The following CEP152 variants were observed in gnomAD, a reference collection of about 807,000 sequenced individuals.
CEP152 encodes centrosomal protein of 152 kDa.
In CEP152, 132 loss-of-function variants were observed where a neutral mutation model predicts 188.9. That is an observed-to-expected ratio of 0.70 (90% CI 0.61 to 0.81). The LOEUF (loss-of-function observed/expected upper bound fraction) is 0.81. Ranked by LOEUF, CEP152 falls within the 30% of genes least tolerant of loss-of-function variation. The pLI, the probability that CEP152 is intolerant of heterozygous loss-of-function variation, is 0.00. For missense variants in CEP152, 1,914 were observed against 1,969.8 expected (o/e 0.97, Z 0.54); for synonymous variants, 649 against 666.6 (o/e 0.97, Z 0.41).
At chr15:48,769,136 T>G in intron 13 of CEP152, 55 bp from the exon 14 acceptor site, 1 of 1,421,006 alleles carries the variant, frequency 7.0e-7, no homozygotes. Context: ...TAAGTTTCAC[T>G]TTGAAATACT....
At chr15:48,773,671 T>A (rs909818478) in intron 12 of CEP152, 1 of 152,310 alleles carries the variant, frequency 6.6e-6, no homozygotes. Context: ...ACTTCCTAAT[T>A]TAAAGGGCAT....
intron 9 of CEP152, among the ~76,000 whole-genome samples, chr15:48,787,162 C>A (rs58612047): frequency 1.1e-4 from 4 of 37,146 alleles, no homozygotes; most frequent in Non-Finnish European, 2.0e-4. Context: ...GTATAGCCTT[C>A]GTTTTTTTTT....
At chr15:48,810,923 A>T (rs1470962499) in intron 1 of CEP152, 38 bp downstream of exon 1, 1 of 152,620 alleles carries the variant, frequency 6.6e-6, no homozygotes, top group African/African-American at 2.4e-5. Flanking sequence ...CAACTCCTCT[A>T]ACCCCAGGTC....
At chr15:48,810,270 G>A (rs913614261) in intron 1 of CEP152, 3 of 152,192 alleles carry the variant, frequency 2.0e-5, no homozygotes, top group Admixed American at 2.0e-4. Flanking sequence ...CACATAGCCC[G>A]GTTTAGACTT....
rs777608666 is a variant in CEP152, at chr15:48,797,968, G to A, written c.171C>T (p.Ser57=). 2.5e-5 allele frequency: 41 copies of A among 1,613,774 alleles called. No individual in the cohort carries two copies. The highest frequency in any genetic ancestry group is 3.3e-5 in the Non-Finnish European group (39 of 1,179,916). The change falls in exon 3 of 27, where the codon AGC becomes AGT. Residue 57 remains serine (S), a synonymous_variant. Coordinates refer to ENST00000380950, the MANE Select transcript of CEP152 (RefSeq NM_001194998.2). ...SSPELQYSDC[S]EDGTDGQPHH... ...CTTACTGTCCGTCTGTGCCATCCTCGCTGCAGTCCGAATACTGGAGCTCTG... is the reference window on the plus strand; with the variant it reads ...CTTACTGTCCGTCTGTGCCATCCTCACTGCAGTCCGAATACTGGAGCTCTG...
intron 17 of CEP152, chr15:48,765,538 A>T: frequency 2.4e-6 from 1 of 408,192 alleles, no homozygotes; most frequent in Non-Finnish European, 4.7e-6. Flanking sequence ...GACCCATTAT[A>T]TGAGATCATA....
intron 15 of CEP152, 60 bp from the exon 16 acceptor site, chr15:48,767,523 T>C: frequency 1.2e-6 from 2 of 1,611,778 alleles, no homozygotes; most frequent in Admixed American, 3.3e-5. Context: ...CAAAATGAAT[T>C]GGTTTCCTTC....
intron 2 of CEP152, among the ~76,000 whole-genome samples, chr15:48,804,596 C>T (rs1822014718): frequency 6.6e-6 from 1 of 152,226 alleles, no homozygotes; most frequent in African/African-American, 2.4e-5. Flanking sequence ...ATTACTGCTG[C>T]TATTACTATT....
At chr15:48,731,162 T>C (rs1007718586) in intron 2 of CEP152, among the ~76,000 whole-genome samples, 4 of 152,212 alleles carry the variant, frequency 2.6e-5, no homozygotes, top group Non-Finnish European at 5.9e-5. Context: ...TCAACAGGTA[T>C]AATGTTTTAG....
At position 48,782,081 on chromosome 15, in the gene CEP152, A is replaced by G. The variant is rs1220522074; in HGVS notation, c.1413+58T>C. On this transcript the variant is annotated intron_variant, in intron 11 of 26. Transcript: ENST00000380950. ...GAGAAACCCAAGATTCAAAAAGGTG[A>G]TGTAACTACTGCCTAATTCAGATAC... is the stretch of plus-strand genomic sequence containing the variant. The G allele has an allele frequency of 4.1e-6, 6 of 1,459,954 alleles. No homozygotes were observed. In the East Asian group the frequency reaches 9.1e-5, roughly 22 times the overall value. 90.4% of individuals were successfully genotyped at this position (1,459,954 alleles called of 1,614,324 possible).
intron 10 of CEP152, among the ~76,000 whole-genome samples, chr15:48,782,740 A>T (rs997574136): frequency 2.0e-5 from 3 of 152,200 alleles, no homozygotes; most frequent in Admixed American, 6.5e-5. Context: ...GTACTGGGCA[A>T]GGTGGTGGGG....
intron 6 of CEP152, among the ~76,000 whole-genome samples, chr15:48,794,703 A>C (rs550808970): frequency 6.6e-6 from 1 of 152,328 alleles, no homozygotes; most frequent in African/African-American, 2.4e-5. Flanking sequence ...TACAAATACA[A>C]CTTTTCAAGG....
At chr15:48,752,240 G>T in intron 21 of CEP152, 109 bp downstream of exon 21, 1 of 1,576,688 alleles carries the variant, frequency 6.3e-7, no homozygotes, top group Non-Finnish European at 8.7e-7. Flanking sequence ...TAAGTCAGAC[G>T]ATTATTACCC....
chr15:48,772,606 C>T lies in CEP152; in HGVS notation c.1663G>A (p.Gly555Ser). Residue 555 changes from glycine (G) to serine (S), a missense_variant, in exon 13 of 27, where the codon GGT becomes AGT. Coordinates refer to ENST00000380950, the MANE Select transcript of CEP152 (RefSeq NM_001194998.2). ...AGATGACGCTTCATTGAGTTGCTAC[C>T]CAGCAAACGCTGTACTTCTGCCTTT... ...KLKAEVQRLLGSNSMKRHLVS... is the reference protein window; with the variant it reads ...KLKAEVQRLLSSNSMKRHLVS... 1.2e-6 allele frequency: 2 copies of T among 1,613,974 alleles called. No homozygotes were observed. Among genetic ancestry groups the T allele is most frequent in the East Asian group, 4.5e-5 (2 of 44,872 alleles).
intron 15 of CEP152, among the ~76,000 whole-genome samples, chr15:48,767,920 T>C (rs1207950974): frequency 1.3e-5 from 2 of 152,244 alleles, no homozygotes; most frequent in Non-Finnish European, 2.9e-5. Context: ...CACAGACTTT[T>C]TTCTTTATAA....
intron 10 of CEP152, among the ~76,000 whole-genome samples, chr15:48,782,917 A>C (rs2140845740): frequency 6.6e-6 from 1 of 152,352 alleles, no homozygotes; most frequent in East Asian, 1.9e-4. Context: ...CAAAGGCTAT[A>C]AAACTAAACA....
At position 48,741,671 on chromosome 15, in the gene CEP152, T is replaced by G. The variant is rs1317140244; in HGVS notation, c.4023A>C (p.Lys1341Asn). Reference sequence around the variant, plus strand: ...CCAGTAATTTTGCCATTGTAGCAAGTTTGCTAGCAGCATTCATAATCTTTT... The same window carrying G: ...CCAGTAATTTTGCCATTGTAGCAAGGTTGCTAGCAGCATTCATAATCTTTT... ...AEKKIMNAASKLATMAKLLET... is the reference protein window; with the variant it reads ...AEKKIMNAASNLATMAKLLET... The change falls in exon 26 of 27, where the codon AAA becomes AAC. Residue 1341 changes from lysine to asparagine, a missense_variant. Lys to Asn is a moderately conservative substitution (Grantham distance 94). Coordinates refer to ENST00000380950, the MANE Select transcript of CEP152 (RefSeq NM_001194998.2). The G allele has an allele frequency of 6.2e-7, 1 of 1,614,130 alleles. No individual in the cohort carries two copies. The highest frequency in any genetic ancestry group is 1.1e-5 in the South Asian group (1 of 91,078).
At chr15:48,741,366 T>C in intron 26 of CEP152, 1 of 1,337,308 alleles carries the variant, frequency 7.5e-7, no homozygotes, top group South Asian at 1.6e-5. Context: ...TAAAATCTTT[T>C]CTATCATTTC....
At position 48,785,919 on chromosome 15, in the gene CEP152, A is replaced by AAG. The variant is rs370094750; in HGVS notation, c.1174-1801_1174-1800dup. Among the ~76,000 whole-genome samples the AAG allele has an allele frequency of 3.0e-3, 264 of 88,984 alleles. 2 individuals carry two copies. Among genetic ancestry groups the AAG allele is most frequent in the Admixed American group, 7.8e-3 (75 of 9,668 alleles). 58.4% of individuals were successfully genotyped at this position (88,984 alleles called of 152,430 possible). ...AGACTCCATCTCAAAAAAAAAAAAA[A>AAG]AGAGAGAGAGAGAGAGAGAGATGAT... is the stretch of plus-strand genomic sequence containing the variant. On this transcript the variant is annotated intron_variant, in intron 9 of 26. Transcript: ENST00000380950.
Sources: allele counts gnomAD v4.1 joint callset (sites outside exome capture counted in the v4.1 genomes callset), GRCh38; gene constraint gnomAD v4.1.1; transcripts MANE v1.5; gene names NCBI Gene and HGNC (gene_info 2026-07-23, HGNC 2026-07-21).